Variants in ACBD6 observed in about 807,000 individuals in gnomAD.
The protein encoded by ACBD6 is acyl-CoA-binding domain-containing protein 6.
In ACBD6, 28 loss-of-function variants were observed where a neutral mutation model predicts 37.2. The ratio of observed to expected loss-of-function variants is 0.75; its 90% CI spans 0.56 to 1.03. The LOEUF (loss-of-function observed/expected upper bound fraction) is 1.03. ACBD6 is among the 50% of genes least tolerant of loss of function. ACBD6 has a pLI of 0.00. For missense variants in ACBD6, 340 were observed against 337.4 expected (o/e 1.01, Z -0.06); for synonymous variants, 113 against 126.8 (o/e 0.89, Z 0.73).
chr1:180,388,806 T>G (rs1195299733), intron 6 of ACBD6, among the ~76,000 whole-genome samples: 1 of 151,314 alleles, frequency 6.6e-6, no homozygotes, highest in Non-Finnish European at 1.5e-5. Context: ...GAAAACAATT[T>G]CATTTATAAC....
intron 1 of ACBD6, among the ~76,000 whole-genome samples, chr1:180,501,564 C>T (rs553636684): frequency 1.3e-5 from 2 of 152,274 alleles, no homozygotes; most frequent in African/African-American, 2.4e-5. Context: ...GTGATCCTCC[C>T]GCCTCGGCCT....
intron 7 of ACBD6, among the ~76,000 whole-genome samples, chr1:180,297,165 G>A (rs145842605): frequency 2.6e-5 from 4 of 152,222 alleles, no homozygotes; most frequent in Admixed American, 6.5e-5. Flanking sequence ...TGGTTCCCTT[G>A]ACCATCTTTT....
rs144062753 is a variant in ACBD6, at chr1:180,449,503, G to C, written c.385-19241C>G. Among the ~76,000 whole-genome samples, 81 of 151,452 alleles carry C rather than the reference G, an allele frequency of 5.3e-4. 1 individual carries two copies. In the East Asian group the frequency reaches 0.014, roughly 26 times the overall value. On this transcript the variant is annotated intron_variant, in intron 3 of 7. Coordinates refer to ENST00000367595, the MANE Select transcript of ACBD6 (RefSeq NM_032360.4). ...CAGCTCACTGTAACCTCCACCACAG[G>C]TTCAAGTGATTCTCCTGCCTCAGCC...
chr1:180,446,622 A>G (rs932250889), intron 3 of ACBD6, among the ~76,000 whole-genome samples: 35 of 152,226 alleles, frequency 2.3e-4, no homozygotes, highest in African/African-American at 8.2e-4. Flanking sequence ...GTTGCTACTT[A>G]TAACAGTAAT....
chr1:180,464,566 C>T (rs1278429489), intron 3 of ACBD6, among the ~76,000 whole-genome samples: 1 of 152,150 alleles, frequency 6.6e-6, no homozygotes, highest in Non-Finnish European at 1.5e-5. Context: ...ACACCCCATG[C>T]TCATGGACAG....
At chr1:180,453,646 C>T (rs1284307777) in intron 3 of ACBD6, among the ~76,000 whole-genome samples, 2 of 152,164 alleles carry the variant, frequency 1.3e-5, no homozygotes, top group East Asian at 1.9e-4. Flanking sequence ...ATTTAGAAAA[C>T]CCCATTGTCA....
chr1:180,367,051 C>T (rs748725658), intron 6 of ACBD6, among the ~76,000 whole-genome samples: 20 of 152,300 alleles, frequency 1.3e-4, no homozygotes, highest in South Asian at 1.2e-3. Flanking sequence ...TAATGCTACA[C>T]AGATTCCTGT....
chr1:180,323,330 G>A (rs1651143295), intron 6 of ACBD6, among the ~76,000 whole-genome samples: 1 of 151,980 alleles, frequency 6.6e-6, no homozygotes, highest in Non-Finnish European at 1.5e-5. Context: ...CCTAATATAT[G>A]GTCTATCCTT....
At chr1:180,444,286 C>CAAAAAAAAAAAAAA (rs71719682) in intron 3 of ACBD6, among the ~76,000 whole-genome samples, 1 of 114,772 alleles carries the variant, frequency 8.7e-6, no homozygotes, top group African/African-American at 3.1e-5. Flanking sequence ...TCCGTCTCTC[C>CAAAAAAAAAAAAAA]AAAAAAAAAA....
chr1:180,425,053 C>T (rs984867573), intron 4 of ACBD6, among the ~76,000 whole-genome samples: 1 of 152,198 alleles, frequency 6.6e-6, no homozygotes, highest in African/African-American at 2.4e-5. Flanking sequence ...CTCATGGGCA[C>T]TGGAAGAGGA....
chr1:180,339,254 C>A (rs1043951028), intron 6 of ACBD6, among the ~76,000 whole-genome samples: 2 of 152,128 alleles, frequency 1.3e-5, no homozygotes, highest in African/African-American at 4.8e-5. Context: ...AGGCACTATT[C>A]ACAATAGCAA....
intron 6 of ACBD6, among the ~76,000 whole-genome samples, chr1:180,393,532 C>A (rs962726044): frequency 6.6e-6 from 1 of 152,140 alleles, no homozygotes; most frequent in African/African-American, 2.4e-5. Flanking sequence ...AACCAATAGG[C>A]CAGTCAATAA....
intron 6 of ACBD6, among the ~76,000 whole-genome samples, chr1:180,338,334 G>A (rs1378438126): frequency 6.6e-6 from 1 of 152,026 alleles, no homozygotes; most frequent in African/African-American, 2.4e-5. Flanking sequence ...ACAGAGATAT[G>A]GACCAATGGA....
At chr1:180,464,236 G>C (rs1245813062) in intron 3 of ACBD6, among the ~76,000 whole-genome samples, 1 of 152,156 alleles carries the variant, frequency 6.6e-6, no homozygotes, top group Non-Finnish European at 1.5e-5. Flanking sequence ...AATAGTATGA[G>C]AGGAAGTCAA....
intron 3 of ACBD6, chr1:180,435,256 A>AC: frequency 7.2e-6 from 4 of 557,356 alleles, no homozygotes; most frequent in Admixed American, 4.7e-5. Flanking sequence ...TACCAGATGC[A>AC]TTTTTTTTTT....
intron 5 of ACBD6, among the ~76,000 whole-genome samples, chr1:180,407,749 A>G (rs1469620137): frequency 6.6e-6 from 1 of 152,258 alleles, no homozygotes; most frequent in Non-Finnish European, 1.5e-5. Flanking sequence ...TAAAACAAGG[A>G]CAATATCTGC....
chr1:180,328,914 G>A (rs1246411821), intron 6 of ACBD6, among the ~76,000 whole-genome samples: 1 of 152,104 alleles, frequency 6.6e-6, no homozygotes, highest in Non-Finnish European at 1.5e-5. Flanking sequence ...AGGAAACAAT[G>A]TAGATACAGT....
At chr1:180,307,846 T>C (rs1571342139) in intron 7 of ACBD6, among the ~76,000 whole-genome samples, 1 of 152,152 alleles carries the variant, frequency 6.6e-6, no homozygotes, top group East Asian at 1.9e-4. Flanking sequence ...TCCCAGCTAT[T>C]CTGGAGGGTG....
In ACBD6 at chr1:180,295,802, T is replaced by A. The variant is rs564554323; in HGVS notation, c.695-7285A>T. Among the ~76,000 whole-genome samples the A allele has an allele frequency of 1.6e-4, 25 of 152,244 alleles. No individual in the cohort carries two copies. In the East Asian group the frequency reaches 3.9e-3, roughly 24 times the overall value. On this transcript the variant is annotated intron_variant, in intron 7 of 7. Transcript: ENST00000367595. ...TCTGACTGTACCATGGAACAGCCAA[T>A]CCCTCGTCTATCCCTCTCCTTGGGT...
Sources: allele counts gnomAD v4.1 joint callset (sites outside exome capture counted in the v4.1 genomes callset), GRCh38; gene constraint gnomAD v4.1.1; transcripts MANE v1.5; gene names NCBI Gene and HGNC (gene_info 2026-07-23, HGNC 2026-07-21).